Variants in ADGRL3 observed in about 807,000 individuals in gnomAD.
The protein encoded by ADGRL3 is calcium-independent alpha-latrotoxin receptor 3.
A neutral mutation model predicts 153.5 loss-of-function variants in ADGRL3; 62 were observed. The ratio of observed to expected loss-of-function variants is 0.40; its 90% CI spans 0.33 to 0.50. ADGRL3 has a LOEUF of 0.50. ADGRL3 is among the 20% of genes least tolerant of loss of function. ADGRL3 has a pLI of 0.47. For missense variants in ADGRL3, 1,641 were observed against 1,859.4 expected (o/e 0.88, Z 2.16); for synonymous variants, 710 against 672.5 (o/e 1.06, Z -0.86).
intron 21 of ADGRL3, among the ~76,000 whole-genome samples, chr4:62,007,470 G>GTGTA (rs1176083990): frequency 2.4e-5 from 3 of 124,466 alleles, no homozygotes; most frequent in African/African-American, 9.8e-5. Context: ...ATATGTGTGT[G>GTGTA]TATATATATA....
chr4:61,524,410 A>T (rs1222648102), intron 4 of ADGRL3, among the ~76,000 whole-genome samples: 1 of 152,108 alleles, frequency 6.6e-6, no homozygotes, highest in Non-Finnish European at 1.5e-5. Context: ...TATACAATTA[A>T]TTAAATTGAT....
chr4:61,374,456 T>C (rs2096579769), intron 1 of ADGRL3, among the ~76,000 whole-genome samples: 1 of 152,108 alleles, frequency 6.6e-6, no homozygotes, highest in Non-Finnish European at 1.5e-5. Flanking sequence ...TTCAGGCTTG[T>C]AAGTTACATT....
Position 62,073,867 on chromosome 4 carries a change from G to T in ADGRL3, c.*2959G>T, listed in dbSNP as rs991196304. 6.6e-6 allele frequency: 1 copy of T among 151,946 alleles called. No homozygotes were observed. Among genetic ancestry groups the T allele is most frequent in the Non-Finnish European group, 1.5e-5 (1 of 67,934 alleles). The allele number at this position is 151,946 out of a possible 1,614,324, so 9.4% of individuals were successfully genotyped here. ...TTTCAGAGAGACTTAAGATCCCAAA[G>T]ATTATAACAGAGAGAAATTTCCCCT... On this transcript the variant is annotated 3_prime_UTR_variant, in exon 27 of 27. Coordinates refer to ENST00000683033, the MANE Select transcript of ADGRL3 (RefSeq NM_001387552.1).
chr4:61,923,723 A>G (rs1394049648), intron 13 of ADGRL3, among the ~76,000 whole-genome samples: 1 of 152,162 alleles, frequency 6.6e-6, no homozygotes, highest in African/African-American at 2.4e-5. Flanking sequence ...TGTCCCACTT[A>G]GTCTGAATAA....
chr4:61,256,600 TGAAGAA>T (rs1269095715), intron 1 of ADGRL3, among the ~76,000 whole-genome samples: 75 of 152,330 alleles, frequency 4.9e-4, no homozygotes, highest in African/African-American at 1.8e-3. Flanking sequence ...TTATTTTGTG[TGAAGAA>T]GTATTGTGAG....
intron 5 of ADGRL3, among the ~76,000 whole-genome samples, chr4:61,611,900 C>A (rs2091403617): frequency 6.6e-6 from 1 of 151,908 alleles, no homozygotes; most frequent in African/African-American, 2.4e-5. Flanking sequence ...AGCTAGGTGA[C>A]AGAGTAAGAT....
At chr4:61,406,151 G>C (rs1249772916) in intron 2 of ADGRL3, among the ~76,000 whole-genome samples, 5 of 151,758 alleles carry the variant, frequency 3.3e-5, no homozygotes, top group Admixed American at 2.0e-4. Flanking sequence ...AACAGATTCT[G>C]TGTGCTTCTT....
intron 6 of ADGRL3, among the ~76,000 whole-genome samples, chr4:61,692,253 T>C (rs866154969): frequency 1.3e-5 from 2 of 152,206 alleles, no homozygotes; most frequent in Middle Eastern, 6.8e-3. Context: ...ATAAGGAACA[T>C]AGAAAAAGAA....
At chr4:61,691,359 G>A (rs893255323) in intron 6 of ADGRL3, among the ~76,000 whole-genome samples, 4 of 152,106 alleles carry the variant, frequency 2.6e-5, no homozygotes, top group African/African-American at 9.7e-5. Context: ...GAAGATCTAG[G>A]ACTGATAGGG....
chr4:61,885,905 A>G (rs1048213685), intron 9 of ADGRL3, among the ~76,000 whole-genome samples: 3 of 152,172 alleles, frequency 2.0e-5, no homozygotes, highest in Non-Finnish European at 1.5e-5. Context: ...AGTTTCTGGC[A>G]TGGTAGGGGC....
chr4:61,409,180 T>TTA (rs1227458363), intron 2 of ADGRL3, among the ~76,000 whole-genome samples: 1 of 140,784 alleles, frequency 7.1e-6, no homozygotes, highest in African/African-American at 2.7e-5. Context: ...AAAAATTTTA[T>TTA]TATATATATA....
intron 22 of ADGRL3, 30 bp downstream of exon 22, chr4:62,028,911 C>T (rs1191421349): frequency 1.3e-6 from 2 of 1,589,946 alleles, no homozygotes; most frequent in Non-Finnish European, 1.7e-6. Flanking sequence ...CTGATAAATT[C>T]CGTTTATCAG....
intron 1 of ADGRL3, among the ~76,000 whole-genome samples, chr4:61,240,324 G>T (rs1453057106): frequency 6.6e-6 from 1 of 152,098 alleles, no homozygotes; most frequent in East Asian, 1.9e-4. Flanking sequence ...TCCCCTTCTC[G>T]TAATACTGTC....
intron 9 of ADGRL3, among the ~76,000 whole-genome samples, chr4:61,842,658 A>G (rs1188888643): frequency 6.6e-6 from 1 of 152,218 alleles, no homozygotes; most frequent in Non-Finnish European, 1.5e-5. Flanking sequence ...TAAGAAAATC[A>G]GAATCTTATT....
At chr4:61,517,652 C>T (rs2098505516) in intron 4 of ADGRL3, 134 bp downstream of exon 4, 2 of 623,506 alleles carry the variant, frequency 3.2e-6, no homozygotes, top group South Asian at 3.7e-5. Flanking sequence ...GCTGATATTA[C>T]CACTTAGTGA....
intron 1 of ADGRL3, among the ~76,000 whole-genome samples, chr4:61,330,005 G>A (rs2095540011): frequency 6.6e-6 from 1 of 152,108 alleles, no homozygotes; most frequent in African/African-American, 2.4e-5. Context: ...CTCCTCTTTG[G>A]TATCTGCCTG....
chr4:61,992,873 C>T (rs1357607722), intron 19 of ADGRL3, among the ~76,000 whole-genome samples: 1 of 152,060 alleles, frequency 6.6e-6, no homozygotes, highest in African/African-American at 2.4e-5. Context: ...TTTACTTTAA[C>T]AAAACATTTG....
chr4:61,895,473 A>AATG (rs2098624127), intron 10 of ADGRL3, among the ~76,000 whole-genome samples: 2 of 8,978 alleles, frequency 2.2e-4, no homozygotes, highest in African/African-American at 1.1e-3. Context: ...CTCAAATAAT[A>AATG]ATAATAATAA....
At position 61,892,678 on chromosome 4, in the gene ADGRL3, T is replaced by C. The variant is rs368984475; in HGVS notation, c.1503T>C (p.Leu501=). The C allele has an allele frequency of 1.9e-6, 3 of 1,613,818 alleles. No homozygotes were observed. Among genetic ancestry groups the C allele is most frequent in the African/African-American group, 2.7e-5 (2 of 74,928 alleles). The change falls in exon 10 of 27, where the codon CTT becomes CTC. Residue 501 remains leucine (L), a synonymous_variant. Transcript: ENST00000683033. ...CAGATATCTCTACCACAGGACCTCTTGGCATGGGAAGCACTACCACCAGTA... is the reference window on the plus strand; with the variant it reads ...CAGATATCTCTACCACAGGACCTCTCGGCATGGGAAGCACTACCACCAGTA... The part of the protein sequence containing the change: ...SVKDISTTGP[L]GMGSTTTSTT...
Sources: allele counts gnomAD v4.1 joint callset (sites outside exome capture counted in the v4.1 genomes callset), GRCh38; gene constraint gnomAD v4.1.1; transcripts MANE v1.5; gene names NCBI Gene and HGNC (gene_info 2026-07-23, HGNC 2026-07-21).